The following FHOD1 variants were observed in gnomAD, a reference collection of about 807,000 sequenced individuals.
FHOD1 encodes formin homology 2 domain containing 1.
In FHOD1, 89 loss-of-function variants were observed where a neutral mutation model predicts 111.6. The ratio of observed to expected loss-of-function variants is 0.80; its 90% CI spans 0.67 to 0.95. The LOEUF is 0.95. Ranked by LOEUF, FHOD1 falls within the 40% of genes least tolerant of loss-of-function variation. The pLI is 0.00. For synonymous variants in FHOD1, 618 were observed against 639.0 expected, an observed-to-expected ratio of 0.97 and a Z score of 0.50; for missense variants, 1,446 against 1,554.2, an observed-to-expected ratio of 0.93 and a Z score of 1.17.
chr16:67,240,119 G>A (rs1364172719), intron 1 of FHOD1, among the ~76,000 whole-genome samples: 1 of 152,180 alleles, frequency 6.6e-6, no homozygotes, highest in Non-Finnish European at 1.5e-5. Flanking sequence ...GACAGGGTCT[G>A]ATCCATAGAC....
intron 1 of FHOD1, among the ~76,000 whole-genome samples, chr16:67,246,038 C>A (rs978223572): frequency 1.3e-5 from 2 of 152,238 alleles, no homozygotes; most frequent in African/African-American, 4.8e-5. Flanking sequence ...CAGTGTCCTG[C>A]ATCCTTCCAG....
Position 67,232,183 on chromosome 16 carries a change from C to G in FHOD1, c.2058G>C (p.Glu686Asp). The stretch of plus-strand genomic sequence containing the variant: ...GCACTGTGGTCATTGTCCGGCGGCC[C>G]TCTCCAGCTTTCTGCATGGTTGGGG... The part of the protein sequence containing the change: ...KEVLPSKKAG[E>D]GRRTMTTVLD... The change falls in exon 14 of 22, where the codon GAG (glutamate) becomes GAC (aspartate). Residue 686 changes from glutamate (E) to aspartate (D), a missense_variant. Transcript: ENST00000258201. 6.2e-7 allele frequency: 1 copy of G among 1,614,110 alleles called. No individual in the cohort carries two copies. The highest frequency in any genetic ancestry group is 1.3e-5 in the African/African-American group (1 of 75,024).
intron 1 of FHOD1, among the ~76,000 whole-genome samples, chr16:67,241,318 G>A (rs2034661790): frequency 1.3e-5 from 2 of 152,110 alleles, no homozygotes; most frequent in Admixed American, 1.3e-4. Flanking sequence ...AGGCCTGAGG[G>A]CTGGGGTATC....
chr16:67,243,981 A>G (rs1384288295), intron 1 of FHOD1, among the ~76,000 whole-genome samples: 1 of 152,252 alleles, frequency 6.6e-6, no homozygotes, highest in East Asian at 1.9e-4. Context: ...TCAGTTTTCT[A>G]CAGTCTCCCA....
At chr16:67,239,810 G>A (rs1275973503) in intron 1 of FHOD1, among the ~76,000 whole-genome samples, 1 of 152,116 alleles carries the variant, frequency 6.6e-6, no homozygotes, top group Admixed American at 6.5e-5. Context: ...CGTTCTCTGC[G>A]TTCAGGCACT....
At chr16:67,236,783 G>A (rs1347200300) in intron 10 of FHOD1, 50 bp from the exon 11 acceptor site, 7 of 1,394,642 alleles carry the variant, frequency 5.0e-6, no homozygotes, top group Non-Finnish European at 6.7e-6. Context: ...CTGGAGGCGG[G>A]GCCTGTCAGT....
chr16:67,244,438 GC>G (rs2034752942), intron 1 of FHOD1, among the ~76,000 whole-genome samples: 1 of 152,084 alleles, frequency 6.6e-6, no homozygotes, highest in Non-Finnish European at 1.5e-5. Context: ...GGGACACTAG[GC>G]CCGGCCCAAG....
At position 67,229,450 on chromosome 16, in the gene FHOD1, A is replaced by G. The variant is rs1431157563; in HGVS notation, c.*186T>C. On this transcript the variant is annotated 3_prime_UTR_variant, in exon 22 of 22. Coordinates refer to ENST00000258201, the MANE Select transcript of FHOD1 (RefSeq NM_013241.3). ...GTTCAAGGAGCTCACACACATGCAC[A>G]TGCATATGCATGCACACACACACAT... 2 of 623,004 alleles carry G rather than the reference A, an allele frequency of 3.2e-6. No individual in the cohort carries two copies. Among genetic ancestry groups the G allele is most frequent in the Admixed American group, 5.8e-5 (2 of 34,532 alleles). The allele number at this position is 623,004 out of a possible 1,614,324, so 38.6% of individuals were successfully genotyped here. A position where few individuals can be genotyped will look rare whatever the true frequency, so the allele number is the denominator to read the frequency against.
At position 67,238,778 on chromosome 16, in the gene FHOD1, T is replaced by C; in HGVS notation, c.373+125A>G. On this transcript the variant is annotated intron_variant, in intron 3 of 21. Coordinates refer to ENST00000258201, the MANE Select transcript of FHOD1 (RefSeq NM_013241.3). This position sits in a 1 kb window ranked among gnomAD's most constrained non-coding sequence, Gnocchi z 4.2. ...ATGGCCCTGGAAGAAGAGGTCAGGA[T>C]AGGGAGAGGAAGGAGCACATACAGC... 2 of 898,984 alleles carry C rather than the reference T, an allele frequency of 2.2e-6. No homozygotes were observed. The highest frequency in any genetic ancestry group is 3.7e-6 in the Non-Finnish European group (2 of 545,744). 55.7% of individuals were successfully genotyped at this position (898,984 alleles called of 1,614,324 possible).
intron 11 of FHOD1, 163 bp downstream of exon 11, chr16:67,236,394 C>T: frequency 6.9e-7 from 1 of 1,458,710 alleles, no homozygotes; most frequent in Non-Finnish European, 9.0e-7. Flanking sequence ...GAACCCCACC[C>T]GCTGGCAGTC....
At chr16:67,246,962 A>G (rs2034869606) in intron 1 of FHOD1, 1 of 521,216 alleles carries the variant, frequency 1.9e-6, no homozygotes, top group Admixed American at 3.8e-5. Context: ...GCACCTCCCC[A>G]GGTGCGCCTA....
In FHOD1 at chr16:67,229,969, G is replaced by C. The variant is rs1224580764; in HGVS notation, c.3236C>G (p.Pro1079Arg). 1.2e-6 allele frequency: 2 copies of C among 1,614,186 alleles called. No individual in the cohort carries two copies. The highest frequency in any genetic ancestry group is 1.7e-6 in the Non-Finnish European group (2 of 1,180,024). ...RSRGMVQSSSPIMPTVGPSTA... is the reference protein window; with the variant it reads ...RSRGMVQSSSRIMPTVGPSTA... The stretch of plus-strand genomic sequence containing the variant: ...GGAGGGCCCCACTGTGGGCATGATT[G>C]GGGAGCTGCTCTGGACCATGCCTGA... The change falls in exon 21 of 22, where the codon CCA becomes CGA. Residue 1079 changes from proline to arginine, a missense_variant. Around this residue, in one of 3 missense-constraint regions of FHOD1, gnomAD observed 1,085 missense variants for 1,108.8 expected, o/e 0.98. Transcript: ENST00000258201.
rs750124148 is a variant in FHOD1 at position 67,237,589 on chromosome 16, G to A, written c.755-20C>T. 6.8e-6 allele frequency: 11 copies of A among 1,613,724 alleles called. No individual in the cohort carries two copies. Among genetic ancestry groups the A allele is most frequent in the Admixed American group, 1.7e-5 (1 of 60,030 alleles). On this transcript the variant is annotated intron_variant, in intron 7 of 21. Coordinates refer to ENST00000258201, the MANE Select transcript of FHOD1 (RefSeq NM_013241.3). The surrounding 1 kb of genome is among the most constrained non-coding windows in gnomAD (Gnocchi z 5.6). ...GAGCACCTGCCACACAGAAAGTGGA[G>A]CAGTCATGGGGGAACAGGTAGGAGA...
At chr16:67,230,991 C>A in intron 17 of FHOD1, 197 bp downstream of exon 17, 1 of 857,944 alleles carries the variant, frequency 1.2e-6, no homozygotes, top group Non-Finnish European at 1.8e-6. Flanking sequence ...GGCAGTTAAA[C>A]AGACCCAAAG....
At chr16:67,243,240 C>G (rs879485058) in intron 1 of FHOD1, among the ~76,000 whole-genome samples, 8 of 152,118 alleles carry the variant, frequency 5.3e-5, no homozygotes, top group Non-Finnish European at 7.4e-5. Flanking sequence ...TGAAGACCCT[C>G]CTTTCCTGTT....
chr16:67,234,035 G>A lies in FHOD1; in HGVS notation c.1668C>T (p.Asp556=). 6.2e-7 allele frequency: 1 copy of A among 1,613,812 alleles called. No homozygotes were observed. Among genetic ancestry groups the A allele is most frequent in the Admixed American group, 1.7e-5 (1 of 60,014 alleles). ...FSDLGEDEDQ[D]MLNVESVEAG... ...CCTCCACAGACTCTACATTCAGCAT[G>A]TCCTGGTCTTCATCCTCCCCTAGAT... The change falls in exon 13 of 22, where the codon GAC becomes GAT. Residue 556 remains aspartate, a synonymous_variant. Transcript: ENST00000258201.
In FHOD1 at chr16:67,241,117, C is replaced by G. The variant is rs527536692; in HGVS notation, c.202-1663G>C. Among the ~76,000 whole-genome samples, 17 of 127,170 alleles carry G rather than the reference C, an allele frequency of 1.3e-4. 2 individuals are homozygous for G. The highest frequency in any genetic ancestry group is 3.4e-4 in the South Asian group (1 of 2,916). The allele number at this position is 127,170 out of a possible 152,430, so 83.4% of individuals were successfully genotyped here. A position where few individuals can be genotyped will look rare whatever the true frequency, so the allele number is the denominator to read the frequency against. On this transcript the variant is annotated intron_variant, in intron 1 of 21. Coordinates refer to ENST00000258201, the MANE Select transcript of FHOD1 (RefSeq NM_013241.3). The stretch of plus-strand genomic sequence containing the variant: ...TAGCCTGTGGGGCCCTTGGATGACC[C>G]CCCCCCCCGCCCACCCCCGCCTGGG...
chr16:67,247,476 C>T lies in FHOD1; in HGVS notation c.-66G>A. ...GCCCCAGTGCAGCTTCTACTCAAAG[C>T]ACACTGTAGCTCCGCGGTTCGGGCC... is the stretch of plus-strand genomic sequence containing the variant. On this transcript the variant is annotated 5_prime_UTR_variant, in exon 1 of 22. Coordinates refer to ENST00000258201, the MANE Select transcript of FHOD1 (RefSeq NM_013241.3). 5.9e-6 allele frequency: 9 copies of T among 1,531,512 alleles called. No homozygotes were observed. Among genetic ancestry groups the T allele is most frequent in the East Asian group, 2.3e-5 (1 of 42,574 alleles). The allele number at this position is 1,531,512 out of a possible 1,614,324, so 94.9% of individuals were successfully genotyped here.
At position 67,241,114 on chromosome 16, in the gene FHOD1, A is replaced by ACCCCCCCCCCCCCC. The variant is rs1186229148; in HGVS notation, c.202-1661_202-1660insGGGGGGGGGGGGGG. On this transcript the variant is annotated intron_variant, in intron 1 of 21. Coordinates refer to ENST00000258201, the MANE Select transcript of FHOD1 (RefSeq NM_013241.3). ...GTTTAGCCTGTGGGGCCCTTGGATGACCCCCCCCCCCGCCCACCCCCGCCT... is the reference window on the plus strand; with the variant it reads ...GTTTAGCCTGTGGGGCCCTTGGATGACCCCCCCCCCCCCCCCCCCCCCCCCGCCCACCCCCGCCT... 2.0e-4 allele frequency among the ~76,000 whole-genome samples: 17 copies of ACCCCCCCCCCCCCC among 83,260 alleles called. 1 individual carries two copies. The highest frequency in any genetic ancestry group is 7.9e-4 in the African/African-American group (14 of 17,704). 54.6% of individuals were successfully genotyped at this position (83,260 alleles called of 152,430 possible).
Sources: allele counts gnomAD v4.1 joint callset (sites outside exome capture counted in the v4.1 genomes callset), GRCh38; gene constraint gnomAD v4.1.1; regional missense constraint gnomAD v4.1.1; non-coding constraint Gnocchi (gnomAD v3.1); transcripts MANE v1.5; gene names NCBI Gene and HGNC (gene_info 2026-07-23, HGNC 2026-07-21).